The following PDZD8 variants were observed in gnomAD, a reference collection of about 807,000 sequenced individuals.
PDZD8 encodes the protein PDZ domain-containing protein 8.
A neutral mutation model predicts 85.8 loss-of-function variants in PDZD8; 14 were observed. The observed-to-expected ratio is 0.16, with a 90% CI of 0.11 to 0.26. The LOEUF is 0.26. Among genes scored for constraint, PDZD8 ranks in the 10% least tolerant of loss-of-function variants. The pLI is 1.00. For missense variants in PDZD8, 1,197 were observed against 1,424.3 expected (o/e 0.84, Z 2.57); for synonymous variants, 592 against 568.6 (o/e 1.04, Z -0.59).
At chr10:117,326,039 A>C (rs1436217095) in intron 2 of PDZD8, among the ~76,000 whole-genome samples, 1 of 152,160 alleles carries the variant, frequency 6.6e-6, no homozygotes, top group East Asian at 1.9e-4. Flanking sequence ...CACCTTGTGA[A>C]GAAGGTGCCT....
chr10:117,323,121 T>C (rs1844255821), intron 2 of PDZD8, among the ~76,000 whole-genome samples: 1 of 152,176 alleles, frequency 6.6e-6, no homozygotes, highest in Non-Finnish European at 1.5e-5. Context: ...AATGGCCATA[T>C]GAAGACCGTT....
chr10:117,283,876 T>G lies in PDZD8; in HGVS notation c.2857A>C (p.Lys953Gln). 1 of 1,614,204 alleles carries G rather than the reference T, an allele frequency of 6.2e-7. No individual in the cohort carries two copies. The highest frequency in any genetic ancestry group is 8.5e-7 in the Non-Finnish European group (1 of 1,180,052). The change falls in exon 5 of 5, where the codon AAA becomes CAA. Residue 953 changes from lysine to glutamine, a missense_variant. Coordinates refer to ENST00000334464, the MANE Select transcript of PDZD8 (RefSeq NM_173791.5). ...SRLLNLRQVS[K>Q]TRLSEPGTDL... ...GTTCCTGGTTCAGAAAGGCGAGTTT[T>G]AGAGACTTGACGCAAATTTAATAAA... is the stretch of plus-strand genomic sequence containing the variant.
intron 3 of PDZD8, among the ~76,000 whole-genome samples, chr10:117,305,853 G>T (rs1420031738): frequency 6.6e-6 from 1 of 152,094 alleles, no homozygotes; most frequent in Non-Finnish European, 1.5e-5. Context: ...ATGTCATCTA[G>T]CATGGCTTTG....
At chr10:117,332,786 C>T (rs534041424) in intron 2 of PDZD8, among the ~76,000 whole-genome samples, 6 of 150,374 alleles carry the variant, frequency 4.0e-5, no homozygotes, top group South Asian at 2.1e-4. Flanking sequence ...GGATTACAGG[C>T]GTGAATCACC....
At chr10:117,296,881 A>C (rs1000369591) in intron 3 of PDZD8, among the ~76,000 whole-genome samples, 1 of 152,148 alleles carries the variant, frequency 6.6e-6, no homozygotes, top group East Asian at 1.9e-4. Flanking sequence ...AGTTGGGCAA[A>C]GATTTCTTAA....
At chr10:117,286,747 G>C (rs948326884) in intron 4 of PDZD8, among the ~76,000 whole-genome samples, 1 of 152,080 alleles carries the variant, frequency 6.6e-6, no homozygotes, top group Admixed American at 6.5e-5. Context: ...CCAACCCTGT[G>C]TCTCAAGATT....
intron 3 of PDZD8, among the ~76,000 whole-genome samples, chr10:117,294,338 AAAAAAAAC>A (rs1222575325): frequency 6.1e-5 from 9 of 148,504 alleles, no homozygotes; most frequent in Admixed American, 2.0e-4. Flanking sequence ...AAAAAAAAAA[AAAAAAAAC>A]AAAAAAACAA....
At chr10:117,329,517 A>C (rs1336497654) in intron 2 of PDZD8, among the ~76,000 whole-genome samples, 1 of 152,236 alleles carries the variant, frequency 6.6e-6, no homozygotes, top group Non-Finnish European at 1.5e-5. Flanking sequence ...GTTGAGCAGT[A>C]GGATATAAAT....
At chr10:117,365,711 G>A (rs12573252) in intron 1 of PDZD8, among the ~76,000 whole-genome samples, 16,011 of 152,176 alleles carry the variant, frequency 0.11, 1,129 homozygotes, top group East Asian at 0.34. Flanking sequence ...TTTGGCAAGA[G>A]AGATTTTGAA....
At chr10:117,292,999 G>GA (rs1844797134) in intron 3 of PDZD8, among the ~76,000 whole-genome samples, 1 of 151,956 alleles carries the variant, frequency 6.6e-6, no homozygotes, top group Non-Finnish European at 1.5e-5. Context: ...TCCCTGAAAT[G>GA]AAAATCATCA....
chr10:117,346,792 G>A (rs1186191558), intron 1 of PDZD8, among the ~76,000 whole-genome samples: 2 of 151,826 alleles, frequency 1.3e-5, no homozygotes, highest in Non-Finnish European at 2.9e-5. Context: ...CCACGTACAG[G>A]CATCATGGCC....
chr10:117,367,504 T>TAATCTTTGTATC (rs1484258683), intron 1 of PDZD8, among the ~76,000 whole-genome samples: 1 of 152,278 alleles, frequency 6.6e-6, no homozygotes, highest in Non-Finnish European at 1.5e-5. Context: ...AGCAAAGATG[T>TAATCTTTGTATC]AATGTATCAA....
At chr10:117,286,551 C>A (rs772540295) in intron 4 of PDZD8, among the ~76,000 whole-genome samples, 1 of 152,218 alleles carries the variant, frequency 6.6e-6, no homozygotes, top group Admixed American at 6.5e-5. Flanking sequence ...GCTTTAGACT[C>A]GGTCATCACT....
At chr10:117,365,821 C>T (rs77782707) in intron 1 of PDZD8, among the ~76,000 whole-genome samples, 3,576 of 152,200 alleles carry the variant, frequency 0.023, 115 homozygotes, top group African/African-American at 0.075. Context: ...AGTGTCAGTA[C>T]GTCCTATGAC....
At chr10:117,340,331 C>T (rs371516704) in intron 2 of PDZD8, among the ~76,000 whole-genome samples, 4 of 152,302 alleles carry the variant, frequency 2.6e-5, no homozygotes, top group Non-Finnish European at 2.9e-5. Context: ...AAGAACTCTG[C>T]GAAGTCAGTT....
chr10:117,371,098 A>C (rs1845181594), intron 1 of PDZD8, among the ~76,000 whole-genome samples: 1 of 152,232 alleles, frequency 6.6e-6, no homozygotes, highest in South Asian at 2.1e-4. Flanking sequence ...CCCTGTGAGA[A>C]GTATGCTATA....
intron 2 of PDZD8, among the ~76,000 whole-genome samples, chr10:117,331,644 C>T (rs1338449902): frequency 2.0e-5 from 3 of 152,118 alleles, no homozygotes; most frequent in Non-Finnish European, 2.9e-5. Flanking sequence ...GTATAGCATA[C>T]CAATACAGCA....
chr10:117,364,913 T>TG (rs1403012311), intron 1 of PDZD8, among the ~76,000 whole-genome samples: 1 of 146,022 alleles, frequency 6.8e-6, no homozygotes, highest in African/African-American at 2.5e-5. Flanking sequence ...GGAGTGAAAG[T>TG]GGGGGCAGGA....
At chr10:117,287,625 C>A (rs1292610443) in intron 4 of PDZD8, among the ~76,000 whole-genome samples, 1 of 152,190 alleles carries the variant, frequency 6.6e-6, no homozygotes, top group East Asian at 1.9e-4. Context: ...ATTCAGCTGT[C>A]AACTCAAACT....
Sources: gnomAD v4.1 joint callset for allele counts (sites outside exome capture counted in the v4.1 genomes callset) on GRCh38, gnomAD v4.1.1 for gene constraint, MANE v1.5 for transcripts, NCBI Gene and HGNC (gene_info 2026-07-23, HGNC 2026-07-21) for gene names.